The following UVRAG variants were observed in gnomAD, a reference collection of about 807,000 sequenced individuals.
UVRAG encodes the protein UV radiation resistance associated, also known as UV radiation resistance-associated gene protein.
In UVRAG, 19 loss-of-function variants were observed where a neutral mutation model predicts 78.0. The ratio of observed to expected loss-of-function variants is 0.24; its 90% CI spans 0.17 to 0.36. The LOEUF (loss-of-function observed/expected upper bound fraction) is 0.36, where lower values mean the gene tolerates loss of function less well. UVRAG is among the 10% of genes least tolerant of loss of function. The pLI is 1.00. For missense variants in UVRAG, 740 were observed against 853.8 expected, an observed-to-expected ratio of 0.87 and a Z score of 1.66; for synonymous variants, 323 against 324.6, an observed-to-expected ratio of 1.00 and a Z score of 0.05.
chr11:76,042,312 A>G (rs1390592561), intron 12 of UVRAG, among the ~76,000 whole-genome samples: 7 of 152,240 alleles, frequency 4.6e-5, no homozygotes, highest in Admixed American at 6.5e-5. Context: ...AATGGTACGT[A>G]TGGTTCATTG....
chr11:76,083,307 G>A (rs1372444265), intron 13 of UVRAG, among the ~76,000 whole-genome samples: 1 of 151,870 alleles, frequency 6.6e-6, no homozygotes, highest in African/African-American at 2.4e-5. Flanking sequence ...ACCATTTTTG[G>A]TATTTTTTTT....
chr11:75,878,030 G>C (rs1379985124), intron 3 of UVRAG, among the ~76,000 whole-genome samples: 1 of 150,236 alleles, frequency 6.7e-6, no homozygotes, highest in Admixed American at 6.6e-5. Context: ...AGACGGGGTG[G>C]CTGCCGGGCG....
intron 5 of UVRAG, among the ~76,000 whole-genome samples, chr11:75,896,988 T>C (rs1947356876): frequency 6.6e-6 from 1 of 152,214 alleles, no homozygotes; most frequent in Admixed American, 6.5e-5. Context: ...TTTTTCTGAC[T>C]AGAAGCTACA....
intron 14 of UVRAG, chr11:76,137,218 C>G: frequency 2.5e-6 from 1 of 398,822 alleles, no homozygotes; most frequent in Non-Finnish European, 5.0e-6. Flanking sequence ...AAGAACACAG[C>G]AAACTAAGAA....
At chr11:76,038,718 G>A (rs988980350) in intron 12 of UVRAG, among the ~76,000 whole-genome samples, 2 of 152,212 alleles carry the variant, frequency 1.3e-5, no homozygotes, top group African/African-American at 4.8e-5. Flanking sequence ...ACCCTTGAGA[G>A]CCAAGAAGCA....
At chr11:75,988,994 TTA>T (rs1949553411) in intron 8 of UVRAG, among the ~76,000 whole-genome samples, 1 of 152,192 alleles carries the variant, frequency 6.6e-6, no homozygotes, top group Admixed American at 6.5e-5. Context: ...AATATACGCT[TTA>T]TATGTTTTTT....
chr11:76,008,653 G>A (rs1949995484), intron 10 of UVRAG, among the ~76,000 whole-genome samples, 154 bp from the exon 11 acceptor site: 1 of 152,076 alleles, frequency 6.6e-6, no homozygotes, highest in Non-Finnish European at 1.5e-5. Context: ...AGAGTAGAAT[G>A]AATCACCATG....
At chr11:75,862,209 G>A (rs1946436040) in intron 3 of UVRAG, among the ~76,000 whole-genome samples, 1 of 152,076 alleles carries the variant, frequency 6.6e-6, no homozygotes, top group Non-Finnish European at 1.5e-5. Context: ...ATAAGTTTCT[G>A]ATTATTTCAC....
At chr11:75,903,817 A>C (rs1486102666) in intron 5 of UVRAG, among the ~76,000 whole-genome samples, 1 of 152,326 alleles carries the variant, frequency 6.6e-6, no homozygotes, top group East Asian at 1.9e-4. Flanking sequence ...TAAACACTGA[A>C]AGGAATAAGT....
chr11:75,931,447 A>G (rs1479532213), intron 6 of UVRAG, among the ~76,000 whole-genome samples: 1 of 152,198 alleles, frequency 6.6e-6, no homozygotes, highest in African/African-American at 2.4e-5. Context: ...TCCTGGAGAA[A>G]GTGATACCAT....
intron 13 of UVRAG, among the ~76,000 whole-genome samples, chr11:76,071,257 AG>A (rs1951302333): frequency 6.6e-6 from 1 of 152,212 alleles, no homozygotes; most frequent in Non-Finnish European, 1.5e-5. Context: ...TGTTGAGCTT[AG>A]ATATGAATGA....
intron 13 of UVRAG, among the ~76,000 whole-genome samples, chr11:76,096,045 G>GGGTA (rs1323601834): frequency 1.3e-5 from 2 of 152,142 alleles, no homozygotes; most frequent in Non-Finnish European, 2.9e-5. Flanking sequence ...TGGAAGCAGA[G>GGGTA]GGTAGCACTT....
chr11:76,021,195 T>C (rs2135379916), intron 12 of UVRAG, among the ~76,000 whole-genome samples: 1 of 152,326 alleles, frequency 6.6e-6, no homozygotes, highest in Non-Finnish European at 1.5e-5. Flanking sequence ...ATTGCTTACC[T>C]GATTTTTGGT....
intron 6 of UVRAG, among the ~76,000 whole-genome samples, chr11:75,922,182 A>G (rs1947993623): frequency 6.6e-6 from 1 of 152,074 alleles, no homozygotes; most frequent in African/African-American, 2.4e-5. Flanking sequence ...ATCCAAGAAC[A>G]TGGTGTCTTT....
chr11:75,869,234 T>A (rs988151700), intron 3 of UVRAG, among the ~76,000 whole-genome samples: 8 of 152,358 alleles, frequency 5.3e-5, no homozygotes, highest in African/African-American at 1.9e-4. Flanking sequence ...ACTGATAGGC[T>A]TTATCATTGA....
chr11:76,063,486 A>T (rs1591192732), intron 12 of UVRAG, among the ~76,000 whole-genome samples: 6 of 152,188 alleles, frequency 3.9e-5, no homozygotes, highest in South Asian at 4.1e-4. Flanking sequence ...TAATCTATTT[A>T]TTGCTTTCTA....
At chr11:76,118,856 T>A (rs542256422) in intron 14 of UVRAG, among the ~76,000 whole-genome samples, 5 of 152,198 alleles carry the variant, frequency 3.3e-5, no homozygotes, top group Non-Finnish European at 5.9e-5. Context: ...AAATTGAGGA[T>A]CTTTACCTTC....
intron 13 of UVRAG, among the ~76,000 whole-genome samples, chr11:76,082,529 G>C (rs1443639462): frequency 1.1e-5 from 1 of 90,248 alleles, no homozygotes; most frequent in African/African-American, 4.8e-5. Context: ...AACAGAGCGA[G>C]ACTCCGTCCC....
chr11:76,041,223 C>G (rs1420830166), intron 12 of UVRAG, among the ~76,000 whole-genome samples: 3 of 152,046 alleles, frequency 2.0e-5, no homozygotes, highest in African/African-American at 7.3e-5. Flanking sequence ...GGGACAAGAT[C>G]GTACGCAATT....
Sources: allele counts gnomAD v4.1 joint callset (sites outside exome capture counted in the v4.1 genomes callset), GRCh38; gene constraint gnomAD v4.1.1; transcripts MANE v1.5; gene names NCBI Gene and HGNC (gene_info 2026-07-23, HGNC 2026-07-21).